The following THRB variants were observed in gnomAD, a reference collection of about 807,000 sequenced individuals.
THRB encodes the protein nuclear receptor subfamily 1 group A member 2.
In THRB, 12 loss-of-function variants were observed where a neutral mutation model predicts 47.8. The ratio of observed to expected loss-of-function variants is 0.25; its 90% CI spans 0.16 to 0.41. The LOEUF (loss-of-function observed/expected upper bound fraction) is 0.41. THRB is among the 10% of genes least tolerant of loss of function. THRB has a pLI of 1.00. For missense variants in THRB, 348 were observed against 589.2 expected (o/e 0.59, Z 4.24); for synonymous variants, 218 against 212.2 (o/e 1.03, Z -0.24).
intron 3 of THRB, among the ~76,000 whole-genome samples, chr3:24,275,087 C>T (rs1179440132): frequency 6.6e-6 from 1 of 152,086 alleles, no homozygotes; most frequent in East Asian, 1.9e-4. Context: ...CTTGTTGAAA[C>T]AGGAACTTTG....
At chr3:24,358,420 A>C (rs2063837122) in intron 1 of THRB, among the ~76,000 whole-genome samples, 1 of 152,004 alleles carries the variant, frequency 6.6e-6, no homozygotes, top group Non-Finnish European at 1.5e-5. Context: ...TTTATGTTGG[A>C]GTCTTTGATT....
intron 1 of THRB, among the ~76,000 whole-genome samples, chr3:24,473,649 T>C (rs531651405): frequency 2.0e-5 from 3 of 152,330 alleles, no homozygotes; most frequent in Admixed American, 6.5e-5. Context: ...CATATGTTTA[T>C]TGCAGCACTA....
intron 1 of THRB, among the ~76,000 whole-genome samples, chr3:24,438,236 C>G (rs1466824206): frequency 6.6e-6 from 1 of 151,998 alleles, no homozygotes; most frequent in Admixed American, 6.5e-5. Flanking sequence ...AGGCCGTCAT[C>G]CTCCACACCA....
chr3:24,154,025 A>G (rs1223994029), intron 5 of THRB, among the ~76,000 whole-genome samples: 1 of 152,194 alleles, frequency 6.6e-6, no homozygotes, highest in East Asian at 1.9e-4. Context: ...AATGAAATAA[A>G]TCCTTTTCAT....
At chr3:24,363,220 C>T (rs1007310144) in intron 1 of THRB, among the ~76,000 whole-genome samples, 2 of 152,100 alleles carry the variant, frequency 1.3e-5, no homozygotes, top group East Asian at 1.9e-4. Context: ...TCGCCTAAGA[C>T]ATTTCATCCA....
At chr3:24,338,873 C>G (rs1160437459) in intron 1 of THRB, among the ~76,000 whole-genome samples, 1 of 152,208 alleles carries the variant, frequency 6.6e-6, no homozygotes, top group Non-Finnish European at 1.5e-5. Context: ...TTCAATATCT[C>G]TCTGCACCGC....
chr3:24,182,483 G>A (rs183912544), intron 5 of THRB, among the ~76,000 whole-genome samples: 65 of 152,286 alleles, frequency 4.3e-4, no homozygotes, highest in African/African-American at 1.5e-3. Context: ...TGTTCTGCCT[G>A]CGTCCGTAAT....
intron 1 of THRB, among the ~76,000 whole-genome samples, chr3:24,434,874 T>G (rs1360089465): frequency 6.6e-6 from 1 of 152,216 alleles, no homozygotes; most frequent in Non-Finnish European, 1.5e-5. Flanking sequence ...TAAGGTCAGC[T>G]GCTATCAGTC....
intron 8 of THRB, among the ~76,000 whole-genome samples, chr3:24,140,826 C>A (rs2035347451): frequency 6.6e-6 from 1 of 152,194 alleles, no homozygotes. Context: ...AATTTGATGG[C>A]AGCCATCTTG....
rs2035775303 is a variant in THRB at position 24,143,948 on chromosome 3, C to A, written c.533-242G>T. Reference sequence around the variant, plus strand: ...CGGCCAGCTTTTCAAAACAAAGTCCCCAGAGAACCTAGACACTGCGCACTC... The same window carrying A: ...CGGCCAGCTTTTCAAAACAAAGTCCACAGAGAACCTAGACACTGCGCACTC... On this transcript the variant is annotated intron_variant, in intron 7 of 10. Transcript: ENST00000646209. 3 of 565,780 alleles carry A rather than the reference C, an allele frequency of 5.3e-6. No homozygotes were observed. In the East Asian group the frequency reaches 9.2e-5, roughly 17 times the overall value. The allele number at this position is 565,780 out of a possible 1,614,324, so 35.0% of individuals were successfully genotyped here.
intron 3 of THRB, among the ~76,000 whole-genome samples, chr3:24,289,264 T>C (rs1055998329): frequency 1.3e-5 from 2 of 152,224 alleles, no homozygotes; most frequent in African/African-American, 4.8e-5. Flanking sequence ...AACTTCACTA[T>C]GAGAAAGATG....
intron 2 of THRB, among the ~76,000 whole-genome samples, chr3:24,319,267 G>A (rs1476515107): frequency 6.6e-6 from 1 of 152,076 alleles, no homozygotes; most frequent in Admixed American, 6.5e-5. Context: ...TTATATCCAA[G>A]AGAAATGGAT....
chr3:24,175,225 T>C (rs2040986390), intron 5 of THRB, among the ~76,000 whole-genome samples: 1 of 152,234 alleles, frequency 6.6e-6, no homozygotes, highest in African/African-American at 2.4e-5. Context: ...AGTTTTCAAG[T>C]AATGGGTTGT....
At chr3:24,183,270 T>C (rs1010119455) in intron 5 of THRB, among the ~76,000 whole-genome samples, 3 of 152,122 alleles carry the variant, frequency 2.0e-5, no homozygotes, top group African/African-American at 7.2e-5. Context: ...AGAACAGTTA[T>C]CATTGTTTAG....
intron 3 of THRB, among the ~76,000 whole-genome samples, chr3:24,286,128 T>C (rs1392361700): frequency 6.6e-6 from 1 of 152,092 alleles, no homozygotes; most frequent in African/African-American, 2.4e-5. Flanking sequence ...TACCAGACAG[T>C]GAATCTGCTG....
chr3:24,286,388 G>A (rs1176772158), intron 3 of THRB, among the ~76,000 whole-genome samples: 1 of 152,146 alleles, frequency 6.6e-6, no homozygotes, highest in Admixed American at 6.5e-5. Flanking sequence ...TCATAGTTGG[G>A]AGGAAAGAAA....
chr3:24,242,311 C>T (rs776365007), intron 3 of THRB, among the ~76,000 whole-genome samples: 9 of 152,160 alleles, frequency 5.9e-5, no homozygotes, highest in Non-Finnish European at 1.2e-4. Flanking sequence ...TCCATGCTCC[C>T]AGCATGGTGA....
chr3:24,319,152 TGGG>T (rs1195180068), intron 2 of THRB, among the ~76,000 whole-genome samples: 1 of 152,198 alleles, frequency 6.6e-6, no homozygotes, highest in Non-Finnish European at 1.5e-5. Flanking sequence ...CTTACACTGT[TGGG>T]GGCACTGTAA....
chr3:24,331,113 G>A (rs2149375814), intron 2 of THRB, among the ~76,000 whole-genome samples: 1 of 152,178 alleles, frequency 6.6e-6, no homozygotes, highest in African/African-American at 2.4e-5. Flanking sequence ...TCTTGATTTT[G>A]TCTTCTGAAA....
Sources: allele counts gnomAD v4.1 joint callset (sites outside exome capture counted in the v4.1 genomes callset), GRCh38; gene constraint gnomAD v4.1.1; transcripts MANE v1.5; gene names NCBI Gene and HGNC (gene_info 2026-07-23, HGNC 2026-07-21).